The following PISD variants were observed in gnomAD, a reference collection of about 807,000 sequenced individuals.
PISD encodes phosphatidylserine decarboxylase proenzyme, mitochondrial.
Under a neutral mutation model 43.5 loss-of-function variants are expected in PISD, and 31 were observed. That is an observed-to-expected ratio of 0.71 (90% CI 0.54 to 0.96). PISD has a LOEUF of 0.96. PISD is among the 40% of genes least tolerant of loss of function. The pLI is 0.00. For missense variants in PISD, 523 were observed against 548.4 expected, an observed-to-expected ratio of 0.95 and a Z score of 0.46; for synonymous variants, 259 against 228.7, an observed-to-expected ratio of 1.13 and a Z score of -1.20.
intron 1 of PISD, among the ~76,000 whole-genome samples, chr22:31,652,679 C>T (rs1306927433): frequency 6.8e-6 from 1 of 147,092 alleles, no homozygotes; most frequent in Non-Finnish European, 1.5e-5. Flanking sequence ...CGGTGGCACA[C>T]ATGCTGTAGT....
chr22:31,623,944 T>A, intron 3 of PISD: 1 of 1,197,328 alleles, frequency 8.4e-7, no homozygotes. Context: ...GGATTCCTCC[T>A]GTCTACCCAC....
At chr22:31,657,955 T>A (rs2074224791) in intron 1 of PISD, among the ~76,000 whole-genome samples, 1 of 152,234 alleles carries the variant, frequency 6.6e-6, no homozygotes, top group East Asian at 1.9e-4. Context: ...CACAAATAAG[T>A]GAGAACATGC....
At position 31,619,382 on chromosome 22, in the gene PISD, T is replaced by G. The variant is rs1603390371; in HGVS notation, c.*230A>C. 3.2e-6 allele frequency: 2 copies of G among 618,798 alleles called. No homozygotes were observed. Among genetic ancestry groups the G allele is most frequent in the East Asian group, 6.6e-5 (2 of 30,296 alleles). 38.3% of individuals were successfully genotyped at this position (618,798 alleles called of 1,614,324 possible). A position where few individuals can be genotyped will look rare whatever the true frequency, so the allele number is the denominator to read the frequency against. On this transcript the variant is annotated 3_prime_UTR_variant, in exon 8 of 8. Transcript: ENST00000439502. ...GATCATTCCAGCCTGCACTTTTTATTTGTAGGCAGAAGGAACGGGATAGGT... is the reference window on the plus strand; with the variant it reads ...GATCATTCCAGCCTGCACTTTTTATGTGTAGGCAGAAGGAACGGGATAGGT...
At chr22:31,651,498 G>T (rs1190736784) in intron 1 of PISD, among the ~76,000 whole-genome samples, 1 of 151,790 alleles carries the variant, frequency 6.6e-6, no homozygotes, top group African/African-American at 2.4e-5. Flanking sequence ...GGCTTTTTGG[G>T]TTTTTTTTGG....
At position 31,620,634 on chromosome 22, in the gene PISD, C is replaced by G. The variant is rs762042275; in HGVS notation, c.924G>C (p.Thr308=). 1.7e-4 allele frequency: 282 copies of G among 1,614,094 alleles called. No homozygotes were observed. The highest frequency in any genetic ancestry group is 2.3e-4 in the Non-Finnish European group (267 of 1,180,040). The change falls in exon 7 of 8, where the codon ACG becomes ACC. Residue 308 remains threonine (T), a synonymous_variant. Coordinates refer to ENST00000439502, the MANE Select transcript of PISD (RefSeq NM_001326411.2). ...AGAAGAAGCCATGTTTCCAGTCCCCCGTCAGGACCACCCGCTCGTTATGGC... is the reference window on the plus strand; with the variant it reads ...AGAAGAAGCCATGTTTCCAGTCCCCGGTCAGGACCACCCGCTCGTTATGGC... ...LFCHNERVVL[T]GDWKHGFFSL...
intron 3 of PISD, among the ~76,000 whole-genome samples, chr22:31,637,161 AAAAATATATATATAT>A (rs1432117513): frequency 1.7e-3 from 39 of 23,292 alleles, no homozygotes; most frequent in African/African-American, 5.5e-3. Flanking sequence ...AAAAAAAAAA[AAAAATATATATATAT>A]ATATATATAT....
At chr22:31,633,372 T>C (rs2073285980) in intron 3 of PISD, among the ~76,000 whole-genome samples, 1 of 152,236 alleles carries the variant, frequency 6.6e-6, no homozygotes, top group African/African-American at 2.4e-5. Flanking sequence ...CTGCATCCAC[T>C]GGCATTGCTT....
At position 31,621,057 on chromosome 22, in the gene PISD, C is replaced by T. The variant is rs1357624422; in HGVS notation, c.783G>A (p.Gly261=). The T allele has an allele frequency of 6.2e-7, 1 of 1,613,990 alleles. No homozygotes were observed. The highest frequency in any genetic ancestry group is 8.5e-7 in the Non-Finnish European group (1 of 1,179,932). The part of the protein sequence containing the change: ...LYHCVIYLAP[G]DYHCFHSPTD... Reference sequence around the variant, plus strand: ...TGGGGGAGTGGAAGCAGTGGTAGTCCCCAGGGGCCAGGTAGATGACACAGT... The same window carrying T: ...TGGGGGAGTGGAAGCAGTGGTAGTCTCCAGGGGCCAGGTAGATGACACAGT... The change falls in exon 6 of 8, where the codon GGG becomes GGA. Residue 261 remains glycine (G), a synonymous_variant. Coordinates refer to ENST00000439502, the MANE Select transcript of PISD (RefSeq NM_001326411.2).
chr22:31,623,995 C>G, intron 3 of PISD: 1 of 693,080 alleles, frequency 1.4e-6, no homozygotes, highest in Admixed American at 2.9e-5. Context: ...TGGAGCCCAG[C>G]AAGCACTGGC....
chr22:31,620,514 C>G (rs1169703509), intron 7 of PISD, 39 bp downstream of exon 7: 1 of 1,604,728 alleles, frequency 6.2e-7, no homozygotes, highest in African/African-American at 1.3e-5. Context: ...CCCAAGAGGT[C>G]TGGCCCTTGG....
At position 31,619,248 on chromosome 22, in the gene PISD, G is replaced by A. The variant is rs1310804218; in HGVS notation, c.*364C>T. On this transcript the variant is annotated 3_prime_UTR_variant, in exon 8 of 8. Transcript: ENST00000439502. ...GCCAACAGAAAACAGCTCAGGTGATGGGGGGAGGAGCAGCAAGAAAAAACG... is the reference window on the plus strand; with the variant it reads ...GCCAACAGAAAACAGCTCAGGTGATAGGGGGAGGAGCAGCAAGAAAAAACG... 2.6e-5 allele frequency: 9 copies of A among 348,512 alleles called. No homozygotes were observed. Among genetic ancestry groups the A allele is most frequent in the South Asian group, 1.4e-4 (6 of 44,154 alleles). 21.6% of individuals were successfully genotyped at this position (348,512 alleles called of 1,614,324 possible). A position where few individuals can be genotyped will look rare whatever the true frequency, so the allele number is the denominator to read the frequency against.
chr22:31,657,260 C>T (rs1180179668), intron 1 of PISD, among the ~76,000 whole-genome samples: 8 of 151,640 alleles, frequency 5.3e-5, no homozygotes, highest in South Asian at 2.1e-4. Context: ...CTCAGCCTCC[C>T]GAGTAGCTGG....
chr22:31,638,249 C>T, intron 3 of PISD: 1 of 388,288 alleles, frequency 2.6e-6, no homozygotes, highest in Non-Finnish European at 3.5e-6. Context: ...TGTGACCGGG[C>T]ACAGCTCAGG....
Position 31,620,700 on chromosome 22 carries a change from T to C in PISD, c.858A>G (p.Ser286=), listed in dbSNP as rs1160034283. The change falls in exon 7 of 8, where the codon TCA becomes TCG. Residue 286 remains serine, a synonymous_variant. Transcript: ENST00000439502. Reference sequence around the variant, plus strand: ...TCCAGCGAGCCATGCCAGGGTTCACTGACATCAGGGAGCCTGCAGAGGCAG... The same window carrying C: ...TCCAGCGAGCCATGCCAGGGTTCACCGACATCAGGGAGCCTGCAGAGGCAG... ...HRRHFPGSLM[S]VNPGMARWIK... is the part of the protein sequence containing the mutation. 1.2e-6 allele frequency: 2 copies of C among 1,614,096 alleles called. No individual in the cohort carries two copies. The highest frequency in any genetic ancestry group is 1.7e-5 in the Admixed American group (1 of 60,014).
At chr22:31,655,076 CAAAA>C (rs1038608958) in intron 1 of PISD, among the ~76,000 whole-genome samples, 1 of 57,116 alleles carries the variant, frequency 1.8e-5, no homozygotes, top group Non-Finnish European at 3.4e-5. Flanking sequence ...ACTCTATCTC[CAAAA>C]AAAAAAAAAA....
intron 3 of PISD, among the ~76,000 whole-genome samples, chr22:31,640,377 A>G (rs971911920): frequency 1.3e-5 from 2 of 150,554 alleles, no homozygotes; most frequent in Admixed American, 6.6e-5. Context: ...TTGTATTTTG[A>G]GCAGAGATGA....
At chr22:31,637,131 TAA>T (rs2073471899) in intron 3 of PISD, among the ~76,000 whole-genome samples, 3 of 66,512 alleles carry the variant, frequency 4.5e-5, no homozygotes, top group African/African-American at 1.7e-4. Flanking sequence ...AAAAAAATAA[TAA>T]TAAATAAATT....
chr22:31,647,929 C>T (rs1197981829), intron 3 of PISD, among the ~76,000 whole-genome samples, 172 bp downstream of exon 3: 4 of 152,214 alleles, frequency 2.6e-5, no homozygotes, highest in Non-Finnish European at 4.4e-5. Context: ...AGAAGACAAG[C>T]TTGACTTGAC....
rs368948625 is a variant in PISD, at chr22:31,618,675, G to A, written c.*937C>T. 12 of 368,688 alleles carry A rather than the reference G, an allele frequency of 3.3e-5. No homozygotes were observed. Among genetic ancestry groups the A allele is most frequent in the African/African-American group, 1.0e-4 (5 of 47,662 alleles). 22.8% of individuals were successfully genotyped at this position (368,688 alleles called of 1,614,324 possible). On this transcript the variant is annotated 3_prime_UTR_variant, in exon 8 of 8. Transcript: ENST00000439502. ...CAACATGAAATCTGGCCCTGTCCCC[G>A]CCACTGGGGGCTCCCCAGGCCTGCG...
Sources: gnomAD v4.1 joint callset for allele counts (sites outside exome capture counted in the v4.1 genomes callset) on GRCh38, gnomAD v4.1.1 for gene constraint, MANE v1.5 for transcripts, NCBI Gene and HGNC (gene_info 2026-07-23, HGNC 2026-07-21) for gene names.